NEB: variants seen among roughly 807,000 people sequenced by gnomAD.
NEB encodes nemaline myopathy type 2.
A neutral mutation model predicts 952.2 loss-of-function variants in NEB; 512 were observed. The ratio of observed to expected loss-of-function variants is 0.54; its 90% confidence interval spans 0.50 to 0.58. The LOEUF (loss-of-function observed/expected upper bound fraction) is 0.58, where lower values mean the gene tolerates loss of function less well. NEB is among the 20% of genes least tolerant of loss of function. The pLI, the probability that NEB is intolerant of heterozygous loss-of-function variation, is 0.00. For missense variants in NEB, 8,428 were observed against 9,231.1 expected (o/e 0.91, Z 3.56); for synonymous variants, 2,900 against 3,149.8 (o/e 0.92, Z 2.66).
In NEB at chr2:151,677,863, AAATGACACT is replaced by A; in HGVS notation, c.3567+4_3567+12del. On this transcript the variant is annotated splice_donor_5th_base_variant and intron_variant, in intron 33 of 181. Transcript: ENST00000397345. ...TTAATAGGGGGGTTTCTTGAGAAGT[AAATGACACT>A]TACATCACTCTGTATCTGCATCATG... is the stretch of plus-strand genomic sequence containing the variant. The A allele has an allele frequency of 6.2e-7, 1 of 1,606,638 alleles. No homozygotes were observed. The highest frequency in any genetic ancestry group is 8.5e-7 in the Non-Finnish European group (1 of 1,175,472).
At chr2:151,731,779 A>G (rs770653733) in intron 3 of NEB, among the ~76,000 whole-genome samples, 4 of 152,154 alleles carry the variant, frequency 2.6e-5, no homozygotes, top group Admixed American at 1.3e-4. Context: ...GAGAGTAAAA[A>G]CTGTTACTGG....
intron 13 of NEB, among the ~76,000 whole-genome samples, chr2:151,698,784 C>T (rs981852069): frequency 6.6e-6 from 1 of 151,776 alleles, no homozygotes; most frequent in African/African-American, 2.4e-5. Context: ...ACTACAGGTG[C>T]CTGCCACCAT....
rs1227274288 is a variant in NEB at position 151,638,365 on chromosome 2, T to G, written c.8994+915A>C. 3.3e-5 allele frequency among the ~76,000 whole-genome samples: 5 copies of G among 152,176 alleles called. No individual in the cohort carries two copies. The East Asian group carries it at 9.6e-4, about 29-fold the overall frequency. On this transcript the variant is annotated intron_variant, in intron 63 of 181. Transcript: ENST00000397345. The stretch of plus-strand genomic sequence containing the variant: ...TTTGCTCAGTTCTGAGAGTCACATT[T>G]TACTAGTGATGTCATGTGAGGAATG...
intron 51 of NEB, among the ~76,000 whole-genome samples, chr2:151,654,946 T>C (rs916342670): frequency 2.0e-5 from 3 of 152,196 alleles, no homozygotes; most frequent in Admixed American, 1.3e-4. Context: ...CTCAGCTTCC[T>C]GAGTAGCTGG....
At chr2:151,594,822 C>T (rs2153892882) in intron 92 of NEB, among the ~76,000 whole-genome samples, 1 of 64,604 alleles carries the variant, frequency 1.5e-5, no homozygotes, top group Non-Finnish European at 3.2e-5. Flanking sequence ...GTCAAATGAT[C>T]TCCTAAGAGT....
At chr2:151,510,523 T>A (rs1409515870) in intron 161 of NEB, among the ~76,000 whole-genome samples, 1 of 152,218 alleles carries the variant, frequency 6.6e-6, no homozygotes, top group Non-Finnish European at 1.5e-5. Flanking sequence ...TTTCCACGGT[T>A]TCAGTTAACT....
At chr2:151,513,319 C>G (rs2075801925) in intron 160 of NEB, among the ~76,000 whole-genome samples, 1 of 152,168 alleles carries the variant, frequency 6.6e-6, no homozygotes, top group South Asian at 2.1e-4. Flanking sequence ...TGCCCCAGCT[C>G]CAAACAGCTA....
intron 52 of NEB, 91 bp from the exon 53 acceptor site, chr2:151,650,976 G>A: frequency 8.0e-7 from 1 of 1,251,652 alleles, no homozygotes; most frequent in Non-Finnish European, 1.1e-6. Context: ...TCTTTTTTTT[G>A]AGACAGGGGT....
Position 151,567,402 on chromosome 2 carries a change from C to A in NEB, c.17922G>T (p.Leu5974=), listed in dbSNP as rs1327308371. The change falls in exon 114 of 182, where the codon CTG becomes CTT. Residue 5974 remains leucine (L), a synonymous_variant. Transcript: ENST00000397345. ...GVPTMRDDPK[L]VWFEHAGQIQ... The stretch of plus-strand genomic sequence containing the variant: ...TCTGGCCTGCATGCTCAAACCAAAC[C>A]AGCTTAGGATCATCTCTCATCGTCG... 2.5e-6 allele frequency: 4 copies of A among 1,613,634 alleles called. No homozygotes were observed. The African/African-American group carries it at 5.3e-5, about 22-fold the overall frequency.
Position 151,546,374 on chromosome 2 carries a change from C to T in NEB, c.20437G>A (p.Val6813Ile), listed in dbSNP as rs951646007. Residue 6813 changes from valine to isoleucine, a missense_variant, in exon 134 of 182, where the codon GTC becomes ATC. By Grantham distance (29) the Val-to-Ile change is conservative (BLOSUM62 3). Transcript: ENST00000397345. ...AGCTTCCGCAGGTGCCGGGAGCGGACCATGTCAGGAGTGTCATACAGGAAG... is the reference window on the plus strand; with the variant it reads ...AGCTTCCGCAGGTGCCGGGAGCGGATCATGTCAGGAGTGTCATACAGGAAG... ...GCFLYDTPDM[V>I]RSRHLRKLWS... 11 of 1,613,060 alleles carry T rather than the reference C, an allele frequency of 6.8e-6. No individual in the cohort carries two copies. Among genetic ancestry groups the T allele is most frequent in the Non-Finnish European group, 9.3e-6 (11 of 1,179,472 alleles).
intron 117 of NEB, among the ~76,000 whole-genome samples, 171 bp from the exon 118 acceptor site, chr2:151,564,101 CAAATT>C (rs1482456718): frequency 1.3e-5 from 2 of 152,080 alleles, no homozygotes; most frequent in Admixed American, 6.6e-5. Flanking sequence ...TGGTTTATTG[CAAATT>C]AAACTTACAG....
chr2:151,492,034 C>T lies in NEB; in HGVS notation c.25057+64G>A, dbSNP rs1438717939. ...ATGTTTTGACTTGATGTAGGTAATG[C>T]TACTTTTGTTCTTCTACCCCCTCAC... On this transcript the variant is annotated intron_variant, in intron 178 of 181. Transcript: ENST00000397345. 8 of 1,508,964 alleles carry T rather than the reference C, an allele frequency of 5.3e-6. No individual in the cohort carries two copies. The Admixed American group carries it at 8.5e-5, about 16-fold the overall frequency. The allele number at this position is 1,508,964 out of a possible 1,614,324, so 93.5% of individuals were successfully genotyped here.
At chr2:151,679,694 C>T in intron 32 of NEB, 27 bp downstream of exon 32, 2 of 484,302 alleles carry the variant, frequency 4.1e-6, no homozygotes, top group South Asian at 1.6e-5. Context: ...TTTCTAGTTG[C>T]CCATGTATGA....
chr2:151,665,971 A>G (rs559387525), intron 41 of NEB, 119 bp downstream of exon 41: 8 of 1,040,014 alleles, frequency 7.7e-6, no homozygotes, highest in Middle Eastern at 3.2e-4. Context: ...TAAAACTCTG[A>G]GTTCTGGAGG....
chr2:151,732,618 TATGTATA>T (rs1385297383), intron 3 of NEB, among the ~76,000 whole-genome samples: 1 of 152,230 alleles, frequency 6.6e-6, no homozygotes, highest in Non-Finnish European at 1.5e-5. Context: ...GTGTATGTAT[TATGTATA>T]AAGTCTCACA....
chr2:151,668,058 T>C, intron 39 of NEB, 147 bp from the exon 40 acceptor site: 1 of 612,168 alleles, frequency 1.6e-6, no homozygotes, highest in Non-Finnish European at 2.8e-6. Context: ...GTTTGTCTTT[T>C]ATGTATATAA....
At chr2:151,644,661 G>A in intron 55 of NEB, 86 bp from the exon 56 acceptor site, 1 of 1,145,738 alleles carries the variant, frequency 8.7e-7, no homozygotes, top group Non-Finnish European at 1.3e-6. Flanking sequence ...AATATTTTGA[G>A]TCCATGAGAA....
At chr2:151,570,470 A>C (rs759297378) in intron 108 of NEB, 27 bp downstream of exon 108, 44 of 1,584,308 alleles carry the variant, frequency 2.8e-5, no homozygotes, top group Admixed American at 5.6e-5. Flanking sequence ...AAAAAAAAAA[A>C]CTGAGAAGTT....
chr2:151,534,905 AC>A (rs2092781025), intron 142 of NEB, among the ~76,000 whole-genome samples: 1 of 152,258 alleles, frequency 6.6e-6, no homozygotes, highest in African/African-American at 2.4e-5. Flanking sequence ...AAGACAACAA[AC>A]AAAAAAGTCA....
Sources: gnomAD v4.1 joint callset for allele counts (sites outside exome capture counted in the v4.1 genomes callset) on GRCh38, gnomAD v4.1.1 for gene constraint, MANE v1.5 for transcripts, NCBI Gene and HGNC (gene_info 2026-07-23, HGNC 2026-07-21) for gene names.